Variants in TBC1D8 observed in about 807,000 individuals in gnomAD.
TBC1D8 encodes the protein BUB2-like protein 1.
In TBC1D8, 65 loss-of-function variants were observed where a neutral mutation model predicts 118.8. The observed-to-expected ratio is 0.55, with a 90% confidence interval of 0.45 to 0.67. The LOEUF is 0.67. TBC1D8 is among the 30% of genes least tolerant of loss of function. The pLI is 0.00. For missense variants in TBC1D8, 1,376 were observed against 1,471.2 expected (o/e 0.94, Z 1.06); for synonymous variants, 566 against 595.8 (o/e 0.95, Z 0.73).
At chr2:101,038,847 C>G (rs189982076) in intron 6 of TBC1D8, among the ~76,000 whole-genome samples, 192 bp from the exon 7 acceptor site, 81 of 151,994 alleles carry the variant, frequency 5.3e-4, no homozygotes, top group African/African-American at 1.7e-3. Flanking sequence ...CAAGGGGCGA[C>G]TGGATAGCAA....
chr2:101,008,324 ATTT>A (rs200543793), intron 19 of TBC1D8, 51 bp from the exon 20 acceptor site: 4 of 1,188,156 alleles, frequency 3.4e-6, no homozygotes, highest in Non-Finnish European at 4.4e-6. Flanking sequence ...TGGAAGTGTC[ATTT>A]TTTTTTTTAA....
At chr2:101,084,847 C>CTA (rs1675502811) in intron 2 of TBC1D8, among the ~76,000 whole-genome samples, 2 of 104,908 alleles carry the variant, frequency 1.9e-5, no homozygotes, top group African/African-American at 7.9e-5. Context: ...TGGGTATTCA[C>CTA]TATTTTTTTT....
At chr2:101,133,905 G>A (rs1205548299) in intron 1 of TBC1D8, among the ~76,000 whole-genome samples, 1 of 152,162 alleles carries the variant, frequency 6.6e-6, no homozygotes, top group Non-Finnish European at 1.5e-5. Flanking sequence ...AAGTCAGCAG[G>A]ACAGAGAGAG....
intron 1 of TBC1D8, among the ~76,000 whole-genome samples, chr2:101,115,652 A>T (rs1392026604): frequency 6.6e-6 from 1 of 152,156 alleles, no homozygotes; most frequent in Non-Finnish European, 1.5e-5. Context: ...TTGGGAGGCC[A>T]AGGCACAAGA....
At chr2:101,068,162 A>G (rs1351268391) in intron 2 of TBC1D8, among the ~76,000 whole-genome samples, 1 of 152,192 alleles carries the variant, frequency 6.6e-6, no homozygotes, top group Non-Finnish European at 1.5e-5. Context: ...AAGCCCTCAA[A>G]GTCATCCACG....
intron 13 of TBC1D8, 39 bp from the exon 14 acceptor site, chr2:101,028,185 T>A: frequency 6.2e-7 from 1 of 1,611,176 alleles, no homozygotes; most frequent in South Asian, 1.1e-5. Context: ...AGTCCCCTGC[T>A]CATCCAAAGT....
chr2:101,030,400 C>G (rs1160254107), intron 11 of TBC1D8, among the ~76,000 whole-genome samples: 1 of 152,162 alleles, frequency 6.6e-6, no homozygotes, highest in Non-Finnish European at 1.5e-5. Flanking sequence ...AACAAATGGT[C>G]AGGAAGCAAA....
chr2:101,087,500 G>A (rs1445474488), intron 2 of TBC1D8, among the ~76,000 whole-genome samples: 7 of 151,738 alleles, frequency 4.6e-5, no homozygotes, highest in Admixed American at 3.9e-4. Flanking sequence ...AATATTAGCC[G>A]AGCGTGGTGG....
intron 15 of TBC1D8, chr2:101,023,729 A>G: frequency 2.8e-6 from 1 of 357,110 alleles, no homozygotes; most frequent in South Asian, 2.2e-5. Flanking sequence ...CATCATTTCC[A>G]CCCATACTAA....
intron 1 of TBC1D8, among the ~76,000 whole-genome samples, chr2:101,094,648 G>T (rs1179624763): frequency 6.6e-6 from 1 of 152,074 alleles, no homozygotes; most frequent in East Asian, 1.9e-4. Context: ...TTCTCTACAA[G>T]ACTCAGGTGC....
intron 5 of TBC1D8, among the ~76,000 whole-genome samples, chr2:101,041,362 A>C (rs1208560467): frequency 6.6e-6 from 1 of 152,264 alleles, no homozygotes; most frequent in African/African-American, 2.4e-5. Context: ...TAAAAAAGGA[A>C]TGAAGTACTG....
intron 1 of TBC1D8, 39 bp from the exon 2 acceptor site, chr2:101,090,403 G>A: frequency 6.2e-7 from 1 of 1,610,460 alleles, no homozygotes; most frequent in Non-Finnish European, 8.5e-7. Flanking sequence ...CTGTGAGCAT[G>A]GGGCTGGCCA....
intron 5 of TBC1D8, among the ~76,000 whole-genome samples, chr2:101,043,388 G>A (rs531170523): frequency 6.6e-6 from 1 of 152,306 alleles, no homozygotes; most frequent in South Asian, 2.1e-4. Flanking sequence ...AGAGCGTGCT[G>A]GCTATGTTAG....
chr2:101,066,564 A>G (rs1327704939), intron 2 of TBC1D8, among the ~76,000 whole-genome samples: 1 of 152,238 alleles, frequency 6.6e-6, no homozygotes, highest in Non-Finnish European at 1.5e-5. Context: ...GTACAGACAT[A>G]CCTCAAAAAT....
At chr2:101,097,362 A>T (rs1359775567) in intron 1 of TBC1D8, among the ~76,000 whole-genome samples, 1 of 152,190 alleles carries the variant, frequency 6.6e-6, no homozygotes, top group Admixed American at 6.5e-5. Context: ...ACCGAAATTT[A>T]TATAAAGGAA....
At chr2:101,113,332 T>C (rs749141579) in intron 1 of TBC1D8, among the ~76,000 whole-genome samples, 17 of 152,016 alleles carry the variant, frequency 1.1e-4, no homozygotes, top group Non-Finnish European at 2.4e-4. Flanking sequence ...CCTCTTTCCT[T>C]ACTGGCCATA....
chr2:101,021,262 C>G (rs1185650415), intron 17 of TBC1D8, among the ~76,000 whole-genome samples: 1 of 152,178 alleles, frequency 6.6e-6, no homozygotes, highest in Non-Finnish European at 1.5e-5. Flanking sequence ...TTCCTGGTTT[C>G]TAGTGCTGAA....
intron 3 of TBC1D8, among the ~76,000 whole-genome samples, chr2:101,054,672 CTTTTTTTTTTTTT>C (rs34465252): frequency 1.2e-4 from 3 of 25,440 alleles, no homozygotes; most frequent in East Asian, 1.5e-3. Flanking sequence ...CTTTTCTTTT[CTTTTTTTTTTTTT>C]TTTTTTTTTT....
intron 1 of TBC1D8, among the ~76,000 whole-genome samples, chr2:101,141,803 G>GCACACA (rs112678254): frequency 1.4e-5 from 2 of 141,222 alleles, no homozygotes; most frequent in African/African-American, 5.3e-5. Context: ...ATGAAGGCGC[G>GCACACA]CACACACACA....
Sources: gnomAD v4.1 joint callset for allele counts (sites outside exome capture counted in the v4.1 genomes callset) on GRCh38, gnomAD v4.1.1 for gene constraint, MANE v1.5 for transcripts, NCBI Gene and HGNC (gene_info 2026-07-23, HGNC 2026-07-21) for gene names.